PRKD1: variants seen among roughly 807,000 people sequenced by gnomAD.
The protein encoded by PRKD1 is protein kinase D1.
A neutral mutation model predicts 95.9 loss-of-function variants in PRKD1; 63 were observed. That is an observed-to-expected ratio of 0.66 (90% CI 0.54 to 0.81). PRKD1 has a LOEUF of 0.81. Ranked by LOEUF, PRKD1 falls within the 30% of genes least tolerant of loss-of-function variation. PRKD1 has a pLI of 0.00. For missense variants in PRKD1, 1,048 were observed against 1,165.3 expected, an observed-to-expected ratio of 0.90 and a Z score of 1.47; for synonymous variants, 425 against 423.1, an observed-to-expected ratio of 1.00 and a Z score of -0.05.
At chr14:29,913,081 G>A (rs1294137598) in intron 1 of PRKD1, among the ~76,000 whole-genome samples, 2 of 152,202 alleles carry the variant, frequency 1.3e-5, no homozygotes, top group Non-Finnish European at 2.9e-5. Context: ...ATTAGCTTAC[G>A]AAATGAATTC....
rs1400305669 is a variant in PRKD1 at position 29,786,544 on chromosome 14, C to T, written c.265-60870G>A. ...CTTGCTAATGGTCTGTTCAGGTTTC[C>T]TATTTCTTCTGGTTCAATCTTGATA... is the stretch of plus-strand genomic sequence containing the variant. On this transcript the variant is annotated intron_variant, in intron 1 of 17. Coordinates refer to ENST00000331968, the MANE Select transcript of PRKD1 (RefSeq NM_002742.3). Among the ~76,000 whole-genome samples the T allele has an allele frequency of 2.0e-5, 3 of 152,092 alleles. 1 individual carries two copies.
chr14:29,646,339 A>G (rs1881120011), intron 4 of PRKD1, among the ~76,000 whole-genome samples: 2 of 152,176 alleles, frequency 1.3e-5, no homozygotes, highest in Non-Finnish European at 2.9e-5. Context: ...GGGTGACTAC[A>G]GTTAAAAATA....
At chr14:29,717,345 T>G (rs187979939) in intron 2 of PRKD1, among the ~76,000 whole-genome samples, 9 of 152,122 alleles carry the variant, frequency 5.9e-5, no homozygotes, top group African/African-American at 1.9e-4. Flanking sequence ...TGCTTTATAT[T>G]TATTCTCATG....
intron 4 of PRKD1, among the ~76,000 whole-genome samples, chr14:29,658,980 T>C (rs1008555801): frequency 6.6e-6 from 1 of 152,196 alleles, no homozygotes; most frequent in East Asian, 1.9e-4. Flanking sequence ...TATTTGGAGA[T>C]CCATTGCTAT....
chr14:29,853,799 C>A (rs1029879830), intron 1 of PRKD1, among the ~76,000 whole-genome samples: 1 of 152,110 alleles, frequency 6.6e-6, no homozygotes. Context: ...GAATCATGGG[C>A]GCAGGTCTTT....
At chr14:29,803,481 T>C (rs1042892031) in intron 1 of PRKD1, among the ~76,000 whole-genome samples, 2 of 152,226 alleles carry the variant, frequency 1.3e-5, no homozygotes, top group Non-Finnish European at 2.9e-5. Context: ...ACTCAACTTG[T>C]TAAAAACATA....
At chr14:29,923,010 C>A (rs945802393) in intron 1 of PRKD1, among the ~76,000 whole-genome samples, 9 of 151,928 alleles carry the variant, frequency 5.9e-5, no homozygotes, top group Non-Finnish European at 1.3e-4. Context: ...GTAGGAGGAC[C>A]TCTTGATCCC....
At chr14:29,627,125 A>G (rs965230865) in intron 11 of PRKD1, among the ~76,000 whole-genome samples, 1 of 152,248 alleles carries the variant, frequency 6.6e-6, no homozygotes, top group African/African-American at 2.4e-5. Flanking sequence ...AGAAAGAAAT[A>G]TGACTAAAAA....
chr14:29,826,632 T>TA lies in PRKD1; in HGVS notation c.264+100616dup, dbSNP rs1261964541. Reference sequence around the variant, plus strand: ...ATACATACATATACACACACATATATATGTGTGTGTGTATATATATGTGTG... The same window carrying TA: ...ATACATACATATACACACACATATATAATGTGTGTGTGTATATATATGTGTG... On this transcript the variant is annotated intron_variant, in intron 1 of 17. Transcript: ENST00000331968. 8.2e-5 allele frequency among the ~76,000 whole-genome samples: 9 copies of TA among 110,132 alleles called. No individual in the cohort carries two copies. The Admixed American group carries it at 8.3e-4, about 10-fold the overall frequency. The allele number at this position is 110,132 out of a possible 152,430, so 72.3% of individuals were successfully genotyped here. A position where few individuals can be genotyped will look rare whatever the true frequency, so the allele number is the denominator to read the frequency against.
chr14:29,793,053 C>A (rs886191539), intron 1 of PRKD1, among the ~76,000 whole-genome samples: 2 of 151,936 alleles, frequency 1.3e-5, no homozygotes, highest in Non-Finnish European at 2.9e-5. Context: ...GAAAAAATGA[C>A]AATCTGCAGA....
At chr14:29,781,616 T>C (rs1422702738) in intron 1 of PRKD1, among the ~76,000 whole-genome samples, 1 of 152,246 alleles carries the variant, frequency 6.6e-6, no homozygotes, top group Admixed American at 6.5e-5. Context: ...GTTTTGATAA[T>C]GGCTGAAGTC....
chr14:29,626,355 A>T, intron 12 of PRKD1, 129 bp downstream of exon 12: 4 of 777,108 alleles, frequency 5.1e-6, no homozygotes, highest in Non-Finnish European at 8.1e-6. Context: ...CGCAGAACAC[A>T]AAAAGATACA....
intron 1 of PRKD1, among the ~76,000 whole-genome samples, chr14:29,856,679 T>G (rs1892517417): frequency 6.6e-6 from 1 of 152,150 alleles, no homozygotes. Context: ...CCAGATACCA[T>G]GAAGTCCAGG....
In PRKD1 at chr14:29,772,899, T is replaced by G. The variant is rs576215904; in HGVS notation, c.265-47225A>C. ...TAACAAGACTCTTCTTCATAAAATT[T>G]TATTCCACAGAAATCTGAGTGAATA... is the stretch of plus-strand genomic sequence containing the variant. On this transcript the variant is annotated intron_variant, in intron 1 of 17. Coordinates refer to ENST00000331968, the MANE Select transcript of PRKD1 (RefSeq NM_002742.3). Among the ~76,000 whole-genome samples, 5 of 152,336 alleles carry G rather than the reference T, an allele frequency of 3.3e-5. No individual in the cohort carries two copies. In the South Asian group the frequency reaches 1.0e-3, roughly 32 times the overall value.
chr14:29,761,603 G>A (rs916678365), intron 1 of PRKD1, among the ~76,000 whole-genome samples: 3 of 152,026 alleles, frequency 2.0e-5, no homozygotes, highest in African/African-American at 7.3e-5. Flanking sequence ...CCATTATCCT[G>A]TGCTATCAGC....
At chr14:29,790,438 TAAAG>T (rs1035759917) in intron 1 of PRKD1, among the ~76,000 whole-genome samples, 2 of 152,188 alleles carry the variant, frequency 1.3e-5, no homozygotes, top group Non-Finnish European at 2.9e-5. Flanking sequence ...GCTTTTTGAA[TAAAG>T]AAAGAGTTGA....
At chr14:29,766,391 T>C (rs1313478686) in intron 1 of PRKD1, among the ~76,000 whole-genome samples, 3 of 152,100 alleles carry the variant, frequency 2.0e-5, no homozygotes, top group Admixed American at 6.6e-5. Flanking sequence ...AACAGGGAAA[T>C]AGGATATCAC....
At chr14:29,669,337 C>T (rs942347844) in intron 2 of PRKD1, among the ~76,000 whole-genome samples, 3 of 152,156 alleles carry the variant, frequency 2.0e-5, no homozygotes, top group African/African-American at 2.4e-5. Context: ...GTGAGCTAAA[C>T]GCCAACTGGA....
intron 4 of PRKD1, among the ~76,000 whole-genome samples, chr14:29,648,482 A>G (rs1881278274): frequency 1.3e-5 from 2 of 152,198 alleles, no homozygotes; most frequent in South Asian, 2.1e-4. Flanking sequence ...GCTTTTTATT[A>G]GAGTCTTTAA....
Sources: allele counts gnomAD v4.1 joint callset (sites outside exome capture counted in the v4.1 genomes callset), GRCh38; gene constraint gnomAD v4.1.1; transcripts MANE v1.5; gene names NCBI Gene and HGNC (gene_info 2026-07-23, HGNC 2026-07-21).